The following CACNA1E variants were observed in gnomAD, a reference collection of about 807,000 sequenced individuals.
CACNA1E encodes voltage-dependent R-type calcium channel subunit alpha-1E.
A neutral mutation model predicts 259.2 loss-of-function variants in CACNA1E; 40 were observed. The ratio of observed to expected loss-of-function variants is 0.15; its 90% CI spans 0.12 to 0.20. CACNA1E has a LOEUF of 0.20. Among genes scored for constraint, CACNA1E ranks in the 10% least tolerant of loss-of-function variants. CACNA1E has a pLI of 1.00. For missense variants in CACNA1E, 1,874 were observed against 3,040.1 expected, an observed-to-expected ratio of 0.62 and a Z score of 9.02; for synonymous variants, 1,104 against 1,138.5, an observed-to-expected ratio of 0.97 and a Z score of 0.61.
intron 3 of CACNA1E, among the ~76,000 whole-genome samples, chr1:181,529,599 G>T (rs558454026): frequency 2.7e-4 from 41 of 152,308 alleles, no homozygotes; most frequent in Non-Finnish European, 3.5e-4. Context: ...CACAGGGGTG[G>T]GGCTGCCCAA....
At chr1:181,698,679 G>C (rs538493343) in intron 7 of CACNA1E, among the ~76,000 whole-genome samples, 7 of 151,984 alleles carry the variant, frequency 4.6e-5, no homozygotes, top group Admixed American at 3.9e-4. Flanking sequence ...GTCCATGACA[G>C]GCCAGCCATC....
intron 6 of CACNA1E, among the ~76,000 whole-genome samples, chr1:181,589,879 G>A (rs1486727836): frequency 1.3e-5 from 2 of 152,154 alleles, no homozygotes; most frequent in Admixed American, 6.5e-5. Context: ...TACCCACTGG[G>A]TGCTTAGATG....
At chr1:181,501,029 A>G (rs542688906) in intron 1 of CACNA1E, among the ~76,000 whole-genome samples, 5 of 152,216 alleles carry the variant, frequency 3.3e-5, no homozygotes, top group Non-Finnish European at 5.9e-5. Context: ...TCAGAGTGTC[A>G]TCAAAACACA....
chr1:181,617,299 G>C (rs1191725056), intron 6 of CACNA1E, among the ~76,000 whole-genome samples: 1 of 148,400 alleles, frequency 6.7e-6, no homozygotes, highest in Non-Finnish European at 1.5e-5. Context: ...TTTTTTCCTA[G>C]TGGGAGTTGT....
At chr1:181,757,347 C>T (rs1217268552) in intron 30 of CACNA1E, among the ~76,000 whole-genome samples, 1 of 152,202 alleles carries the variant, frequency 6.6e-6, no homozygotes, top group Non-Finnish European at 1.5e-5. Context: ...AGATGTTTAA[C>T]ATGCAGTCTT....
intron 7 of CACNA1E, among the ~76,000 whole-genome samples, chr1:181,682,731 A>G (rs112440339): frequency 1.1e-4 from 17 of 152,222 alleles, no homozygotes; most frequent in Non-Finnish European, 2.1e-4. Flanking sequence ...CACGTCTTAC[A>G]TGGCAGGAGC....
At chr1:181,601,671 G>T (rs1437863999) in intron 6 of CACNA1E, among the ~76,000 whole-genome samples, 1 of 152,108 alleles carries the variant, frequency 6.6e-6, no homozygotes, top group African/African-American at 2.4e-5. Flanking sequence ...CCTGGTCTAA[G>T]CCACCACCAT....
At chr1:181,428,711 C>A (rs955489455) in intron 2 of CACNA1E, among the ~76,000 whole-genome samples, 1 of 152,138 alleles carries the variant, frequency 6.6e-6, no homozygotes, top group African/African-American at 2.4e-5. Flanking sequence ...CAGGGAGGTG[C>A]CTGCTTTCAA....
chr1:181,689,746 T>C lies in CACNA1E; in HGVS notation c.1056-21208T>C, dbSNP rs571487152. 6.6e-5 allele frequency among the ~76,000 whole-genome samples: 10 copies of C among 152,368 alleles called. No individual in the cohort carries two copies. In the East Asian group the frequency reaches 1.9e-3, roughly 29 times the overall value. On this transcript the variant is annotated intron_variant, in intron 7 of 47. Coordinates refer to ENST00000367573, the MANE Select transcript of CACNA1E (RefSeq NM_001205293.3). ...ATGACTAGTGATGATGAGCTTTTTT[T>C]CATATGTTTCTTGGTCATATAAATG... is the stretch of plus-strand genomic sequence containing the variant.
intron 2 of CACNA1E, among the ~76,000 whole-genome samples, chr1:181,465,211 G>A (rs1662079848): frequency 6.6e-6 from 1 of 152,034 alleles, no homozygotes; most frequent in Non-Finnish European, 1.5e-5. Context: ...GCTGCTTCTT[G>A]TAGGTAATCT....
At chr1:181,531,979 C>G (rs1295119343) in intron 3 of CACNA1E, among the ~76,000 whole-genome samples, 2 of 152,200 alleles carry the variant, frequency 1.3e-5, no homozygotes, top group Non-Finnish European at 2.9e-5. Context: ...TCACTTGAAC[C>G]TGTGAGACAG....
intron 3 of CACNA1E, among the ~76,000 whole-genome samples, chr1:181,540,704 C>T (rs983122881): frequency 5.3e-5 from 8 of 152,160 alleles, no homozygotes; most frequent in African/African-American, 1.7e-4. Context: ...AAATGGACCT[C>T]GCAAAGTCTC....
At chr1:181,653,701 G>A (rs1317080470) in intron 7 of CACNA1E, among the ~76,000 whole-genome samples, 2 of 152,152 alleles carry the variant, frequency 1.3e-5, no homozygotes, top group East Asian at 3.8e-4. Context: ...CAATGTCTGT[G>A]CAGTTTTATA....
intron 6 of CACNA1E, 85 bp from the exon 7 acceptor site, chr1:181,651,253 T>G: frequency 1.1e-6 from 1 of 877,644 alleles, no homozygotes; most frequent in Non-Finnish European, 1.9e-6. Context: ...GGTTTTTACA[T>G]CACCCTCTGT....
chr1:181,606,134 T>C (rs1654213974), intron 6 of CACNA1E, among the ~76,000 whole-genome samples: 1 of 152,164 alleles, frequency 6.6e-6, no homozygotes, highest in Non-Finnish European at 1.5e-5. Flanking sequence ...TTGAAGTCTC[T>C]TGACTATACA....
chr1:181,389,389 T>A (rs1557963220), intron 1 of CACNA1E, among the ~76,000 whole-genome samples: 1 of 151,554 alleles, frequency 6.6e-6, no homozygotes, highest in Admixed American at 6.6e-5. Context: ...TGAGAAAGAG[T>A]GTGTTGGGCG....
intron 3 of CACNA1E, among the ~76,000 whole-genome samples, chr1:181,560,014 A>G (rs1177451036): frequency 1.3e-5 from 2 of 152,154 alleles, no homozygotes; most frequent in African/African-American, 4.8e-5. Context: ...ATCTCTAATG[A>G]TTATGGAAGA....
chr1:181,773,573 A>C (rs1659713332), intron 37 of CACNA1E, among the ~76,000 whole-genome samples: 1 of 152,210 alleles, frequency 6.6e-6, no homozygotes, highest in South Asian at 2.1e-4. Flanking sequence ...AATGCTATTG[A>C]TGGGAGTTTT....
At chr1:181,617,910 C>A (rs928136070) in intron 6 of CACNA1E, among the ~76,000 whole-genome samples, 2 of 152,200 alleles carry the variant, frequency 1.3e-5, no homozygotes, top group African/African-American at 4.8e-5. Flanking sequence ...GGGTGAGCCC[C>A]AGAGCTGAAG....
Sources: allele counts gnomAD v4.1 joint callset (sites outside exome capture counted in the v4.1 genomes callset), GRCh38; gene constraint gnomAD v4.1.1; transcripts MANE v1.5; gene names NCBI Gene and HGNC (gene_info 2026-07-23, HGNC 2026-07-21).